TMEM178B: variants seen among roughly 807,000 people sequenced by gnomAD.
TMEM178B encodes the protein transmembrane protein 178B.
A neutral mutation model predicts 31.0 loss-of-function variants in TMEM178B; 5 were observed. That is an observed-to-expected ratio of 0.16 (90% CI 0.08 to 0.34). The LOEUF is 0.34. Among genes scored for constraint, TMEM178B ranks in the 10% least tolerant of loss-of-function variants. TMEM178B has a pLI of 1.00. For synonymous variants in TMEM178B, 164 were observed against 164.0 expected (o/e 1.00, Z 0.00); for missense variants, 275 against 400.3 (o/e 0.69, Z 2.67).
In TMEM178B at chr7:141,424,151, C is replaced by T. The variant is rs556648230; in HGVS notation, c.497-13457C>T. Among the ~76,000 whole-genome samples, 24 of 152,122 alleles carry T rather than the reference C, an allele frequency of 1.6e-4. 1 individual carries two copies. The highest frequency in any genetic ancestry group is 4.6e-4 in the African/African-American group (19 of 41,508). ...TTTGTATAAGTTTTGTTTGAGATTC[C>T]GGCATGGTCCCAAAGTGCCTTGCCA... On this transcript the variant is annotated intron_variant, in intron 2 of 3. Transcript: ENST00000565468.
chr7:141,196,684 C>T (rs371404091), intron 1 of TMEM178B, among the ~76,000 whole-genome samples: 15 of 152,064 alleles, frequency 9.9e-5, no homozygotes, highest in African/African-American at 3.1e-4. Flanking sequence ...CCCCTGGGTG[C>T]GTCGAATATC....
At chr7:141,187,769 G>C (rs1375909034) in intron 1 of TMEM178B, among the ~76,000 whole-genome samples, 1 of 152,032 alleles carries the variant, frequency 6.6e-6, no homozygotes, top group Non-Finnish European at 1.5e-5. Flanking sequence ...TATATCCTTC[G>C]CCCACTTTTT....
intron 2 of TMEM178B, among the ~76,000 whole-genome samples, chr7:141,277,019 G>T (rs903850717): frequency 6.6e-6 from 1 of 152,204 alleles, no homozygotes; most frequent in African/African-American, 2.4e-5. Flanking sequence ...CTCTGGGTGA[G>T]TCAGTGAGTG....
intron 2 of TMEM178B, among the ~76,000 whole-genome samples, chr7:141,289,761 G>A (rs971302960): frequency 6.6e-6 from 1 of 151,056 alleles, no homozygotes. Context: ...AAAGGAGAAT[G>A]CATCAAGGTG....
At chr7:141,275,375 C>T (rs973836858) in intron 2 of TMEM178B, among the ~76,000 whole-genome samples, 6 of 152,152 alleles carry the variant, frequency 3.9e-5, no homozygotes, top group Non-Finnish European at 7.3e-5. Context: ...ATGTATACAA[C>T]GGGGTATCCA....
intron 1 of TMEM178B, among the ~76,000 whole-genome samples, chr7:141,081,308 T>A (rs181697382): frequency 6.6e-6 from 1 of 152,172 alleles, no homozygotes; most frequent in East Asian, 1.9e-4. Context: ...AAATAAAAAA[T>A]TTTATAAACA....
intron 1 of TMEM178B, among the ~76,000 whole-genome samples, chr7:141,095,438 TG>T (rs1325509355): frequency 6.6e-6 from 1 of 152,208 alleles, no homozygotes; most frequent in African/African-American, 2.4e-5. Context: ...TTCCATAAAA[TG>T]TTTTTTGGAA....
intron 2 of TMEM178B, among the ~76,000 whole-genome samples, chr7:141,262,937 A>G (rs915485631): frequency 6.6e-6 from 1 of 152,140 alleles, no homozygotes; most frequent in Non-Finnish European, 1.5e-5. Flanking sequence ...CTAGGCCTTT[A>G]CCACCAAAAT....
At chr7:141,435,003 A>G (rs1210869332) in intron 2 of TMEM178B, among the ~76,000 whole-genome samples, 1 of 152,206 alleles carries the variant, frequency 6.6e-6, no homozygotes, top group Non-Finnish European at 1.5e-5. Context: ...TTATTCATTC[A>G]TTGAAAGACA....
At chr7:141,465,740 G>A (rs1179777278) in intron 3 of TMEM178B, among the ~76,000 whole-genome samples, 3 of 152,196 alleles carry the variant, frequency 2.0e-5, no homozygotes, top group African/African-American at 4.8e-5. Context: ...TTGGCTGGGT[G>A]TGGTGGCTCA....
chr7:141,440,168 C>T (rs978154583), intron 3 of TMEM178B, among the ~76,000 whole-genome samples: 10 of 152,220 alleles, frequency 6.6e-5, no homozygotes, highest in African/African-American at 1.9e-4. Flanking sequence ...TGCCCTTGGA[C>T]CGTGCTGAGG....
intron 2 of TMEM178B, among the ~76,000 whole-genome samples, chr7:141,228,866 A>G (rs1797388615): frequency 1.3e-5 from 2 of 152,126 alleles, no homozygotes; most frequent in Admixed American, 6.6e-5. Context: ...ATCATTAAGT[A>G]TTTATAGTTC....
At chr7:141,163,362 G>A (rs1054604742) in intron 1 of TMEM178B, among the ~76,000 whole-genome samples, 3 of 152,214 alleles carry the variant, frequency 2.0e-5, no homozygotes, top group African/African-American at 7.2e-5. Flanking sequence ...AACAAGTTAT[G>A]TGGCTGAGCT....
intron 2 of TMEM178B, among the ~76,000 whole-genome samples, chr7:141,248,781 T>TTTGTA (rs1345069064): frequency 6.6e-6 from 1 of 152,146 alleles, no homozygotes; most frequent in African/African-American, 2.4e-5. Context: ...GCCTATGACA[T>TTTGTA]TTGTATACAC....
At chr7:141,163,686 T>A (rs2365583) in intron 1 of TMEM178B, among the ~76,000 whole-genome samples, 112,057 of 151,626 alleles carry the variant, frequency 0.74, 42,063 homozygotes, top group African/African-American at 0.84. Context: ...GGCTAATTTT[T>A]GTATTTTTAG....
At chr7:141,342,860 A>G (rs1004317134) in intron 2 of TMEM178B, among the ~76,000 whole-genome samples, 2 of 152,226 alleles carry the variant, frequency 1.3e-5, no homozygotes, top group Admixed American at 6.5e-5. Context: ...TCTTCAAACC[A>G]TGAAGTTTTT....
At chr7:141,370,872 T>G (rs1800103258) in intron 2 of TMEM178B, among the ~76,000 whole-genome samples, 1 of 152,238 alleles carries the variant, frequency 6.6e-6, no homozygotes, top group African/African-American at 2.4e-5. Flanking sequence ...CTCTCAGTCA[T>G]GCGGCTCAGA....
chr7:141,462,373 C>T (rs111553627), intron 3 of TMEM178B, among the ~76,000 whole-genome samples: 1,639 of 152,140 alleles, frequency 0.011, 40 homozygotes, highest in African/African-American at 0.034. Context: ...TACCGTGCCC[C>T]TGGGGATGGG....
At chr7:141,157,380 G>C (rs1282666475) in intron 1 of TMEM178B, among the ~76,000 whole-genome samples, 1 of 151,950 alleles carries the variant, frequency 6.6e-6, no homozygotes, top group East Asian at 1.9e-4. Context: ...AAGGCAAGAA[G>C]CATAGCAAAG....
Sources: gnomAD v4.1 joint callset for allele counts (sites outside exome capture counted in the v4.1 genomes callset) on GRCh38, gnomAD v4.1.1 for gene constraint, MANE v1.5 for transcripts, NCBI Gene and HGNC (gene_info 2026-07-23, HGNC 2026-07-21) for gene names.